MAPK8: variants seen among roughly 807,000 people sequenced by gnomAD.
MAPK8 encodes mitogen-activated protein kinase 8.
Under a neutral mutation model 52.9 loss-of-function variants are expected in MAPK8, and 13 were observed. The observed-to-expected ratio is 0.25, with a 90% CI of 0.16 to 0.39. The LOEUF (loss-of-function observed/expected upper bound fraction) is 0.39. Among genes scored for constraint, MAPK8 ranks in the 10% least tolerant of loss-of-function variants. The pLI is 1.00. For synonymous variants in MAPK8, 191 were observed against 169.8 expected (o/e 1.12, Z -0.97); for missense variants, 300 against 519.2 (o/e 0.58, Z 4.10).
At chr10:48,427,584 C>T (rs1036795946) in intron 10 of MAPK8, among the ~76,000 whole-genome samples, 19 of 151,542 alleles carry the variant, frequency 1.3e-4, no homozygotes, top group Middle Eastern at 3.4e-3. Flanking sequence ...CTCTGCCTCC[C>T]GGGTTCACGC....
intron 11 of MAPK8, among the ~76,000 whole-genome samples, chr10:48,432,539 T>TAC (rs945605143): frequency 6.6e-6 from 1 of 152,158 alleles, no homozygotes; most frequent in African/African-American, 2.4e-5. Flanking sequence ...ATAAATGCTT[T>TAC]GTGTAATTAA....
At chr10:48,326,680 G>A (rs1843555669) in intron 1 of MAPK8, among the ~76,000 whole-genome samples, 1 of 152,146 alleles carries the variant, frequency 6.6e-6, no homozygotes, top group Admixed American at 6.6e-5. Flanking sequence ...GTATTTATAT[G>A]TGCATAAATA....
chr10:48,365,628 A>G (rs1242329999), intron 1 of MAPK8, among the ~76,000 whole-genome samples: 2 of 152,184 alleles, frequency 1.3e-5, no homozygotes, highest in African/African-American at 4.8e-5. Flanking sequence ...AACTAAAGAG[A>G]TTATTATCCC....
At chr10:48,403,441 G>A (rs1180263880) in intron 2 of MAPK8, among the ~76,000 whole-genome samples, 2 of 150,108 alleles carry the variant, frequency 1.3e-5, no homozygotes, top group African/African-American at 4.9e-5. Context: ...CTGGGTGATA[G>A]AGTGAGACTC....
chr10:48,307,023 G>C (rs1434605439), intron 1 of MAPK8: 1 of 151,920 alleles, frequency 6.6e-6, no homozygotes, highest in Non-Finnish European at 1.5e-5. Flanking sequence ...GTGGGGCTGC[G>C]GGACCTGGGT....
At chr10:48,380,698 G>A (rs187859580) in intron 1 of MAPK8, among the ~76,000 whole-genome samples, 6 of 152,242 alleles carry the variant, frequency 3.9e-5, no homozygotes, top group South Asian at 4.1e-4. Context: ...ACGCCAGTGC[G>A]CTCCAGCATG....
chr10:48,423,423 T>G (rs923069362), intron 6 of MAPK8, among the ~76,000 whole-genome samples: 3 of 152,212 alleles, frequency 2.0e-5, no homozygotes, highest in Non-Finnish European at 4.4e-5. Context: ...TTTCCTTGAT[T>G]AGTTGTTCAT....
intron 1 of MAPK8, among the ~76,000 whole-genome samples, chr10:48,400,167 C>T (rs557813844): frequency 3.3e-5 from 5 of 152,286 alleles, no homozygotes; most frequent in African/African-American, 7.2e-5. Flanking sequence ...TACCAAAGCT[C>T]CTTTCTTTAT....
chr10:48,352,349 T>C (rs1846420251), intron 1 of MAPK8, among the ~76,000 whole-genome samples: 2 of 152,148 alleles, frequency 1.3e-5, no homozygotes, highest in African/African-American at 4.8e-5. Context: ...CAACTCCTTT[T>C]TAAGTATAGA....
intron 3 of MAPK8, among the ~76,000 whole-genome samples, chr10:48,409,671 T>TA (rs1279834092): frequency 6.6e-6 from 1 of 152,222 alleles, no homozygotes; most frequent in African/African-American, 2.4e-5. Flanking sequence ...GGGTTACAGA[T>TA]ACTCTGTGCC....
chr10:48,353,882 A>G (rs918654223), intron 1 of MAPK8, among the ~76,000 whole-genome samples: 1 of 152,184 alleles, frequency 6.6e-6, no homozygotes, highest in South Asian at 2.1e-4. Context: ...GGGTTATGGG[A>G]ACAGAGAGGG....
chr10:48,357,564 A>G (rs1352984952), intron 1 of MAPK8, among the ~76,000 whole-genome samples: 4 of 151,882 alleles, frequency 2.6e-5, no homozygotes, highest in African/African-American at 9.7e-5. Flanking sequence ...ACCTGGCTAA[A>G]TTTTGTATTT....
chr10:48,382,927 T>C (rs2041095669), intron 1 of MAPK8, among the ~76,000 whole-genome samples: 1 of 44,106 alleles, frequency 2.3e-5, no homozygotes, highest in Admixed American at 2.3e-4. Context: ...TATGTATATA[T>C]ATATAGCTAT....
At chr10:48,369,847 C>T (rs1444182406) in intron 1 of MAPK8, among the ~76,000 whole-genome samples, 1 of 152,098 alleles carries the variant, frequency 6.6e-6, no homozygotes, top group African/African-American at 2.4e-5. Flanking sequence ...AAGTCAAGTT[C>T]TGTTTAGGAG....
intron 5 of MAPK8, among the ~76,000 whole-genome samples, chr10:48,411,078 C>A (rs2042722658): frequency 6.6e-6 from 1 of 152,172 alleles, no homozygotes; most frequent in Non-Finnish European, 1.5e-5. Context: ...TGTAGGTTGT[C>A]TGTTCACTTT....
intron 1 of MAPK8, among the ~76,000 whole-genome samples, chr10:48,372,660 A>G (rs1231120089): frequency 1.3e-5 from 2 of 152,074 alleles, no homozygotes; most frequent in Non-Finnish European, 2.9e-5. Context: ...TAAAGTAAGA[A>G]GACCAGATTA....
At chr10:48,406,976 A>G (rs1249518810) in intron 3 of MAPK8, among the ~76,000 whole-genome samples, 1 of 152,146 alleles carries the variant, frequency 6.6e-6, no homozygotes, top group East Asian at 1.9e-4. Context: ...TTTCTTTGTT[A>G]CAGGCCTGCC....
chr10:48,356,443 G>A (rs118135078), intron 1 of MAPK8, among the ~76,000 whole-genome samples: 1,691 of 152,230 alleles, frequency 0.011, 26 homozygotes, highest in Admixed American at 0.02. Context: ...CACAGATTAA[G>A]TAGAAAACAA....
At position 48,356,922 on chromosome 10, in the gene MAPK8, T is replaced by C. The variant is rs532698899; in HGVS notation, c.-49-44690T>C. Among the ~76,000 whole-genome samples, 3 of 116,024 alleles carry C rather than the reference T, an allele frequency of 2.6e-5. No homozygotes were observed. In the East Asian group the frequency reaches 8.0e-4, roughly 31 times the overall value. The allele number at this position is 116,024 out of a possible 152,430, so 76.1% of individuals were successfully genotyped here. A position where few individuals can be genotyped will look rare whatever the true frequency, so the allele number is the denominator to read the frequency against. On this transcript the variant is annotated intron_variant, in intron 1 of 11. Transcript: ENST00000374189. ...ACCAAAAAAAAAAAAAAAAAAAGTT[T>C]AAAATGGTTGAAAGTAAAAGGATGG...
Sources: allele counts gnomAD v4.1 joint callset (sites outside exome capture counted in the v4.1 genomes callset), GRCh38; gene constraint gnomAD v4.1.1; transcripts MANE v1.5; gene names NCBI Gene and HGNC (gene_info 2026-07-23, HGNC 2026-07-21).